ABCB11: variants seen among roughly 807,000 people sequenced by gnomAD.
ABCB11 encodes the protein ATP binding cassette subfamily B member 11.
A neutral mutation model predicts 148.0 loss-of-function variants in ABCB11; 95 were observed. The ratio of observed to expected loss-of-function variants is 0.64; its 90% confidence interval spans 0.54 to 0.76. The LOEUF (loss-of-function observed/expected upper bound fraction) is 0.76. ABCB11 is among the 30% of genes least tolerant of loss of function. ABCB11 has a pLI of 0.00. For missense variants in ABCB11, 1,523 were observed against 1,617.8 expected (o/e 0.94, Z 1.01); for synonymous variants, 591 against 555.4 (o/e 1.06, Z -0.90).
chr2:168,997,250 T>C (rs1239355234), intron 5 of ABCB11, among the ~76,000 whole-genome samples: 1 of 152,060 alleles, frequency 6.6e-6, no homozygotes, highest in African/African-American at 2.4e-5. Flanking sequence ...CTTCTCTATC[T>C]CAGAGTGACA....
Position 168,936,261 on chromosome 2 carries a change from C to T in ABCB11, c.2783G>A (p.Arg928Gln), listed in dbSNP as rs200488448. 8.7e-6 allele frequency: 14 copies of T among 1,613,826 alleles called. No homozygotes were observed. In the East Asian group the frequency reaches 2.2e-4, roughly 26 times the overall value. Residue 928 changes from arginine (R) to glutamine (Q), a missense_variant, in exon 22 of 28, where the codon CGA becomes CAA. Arg to Gln is a conservative substitution (Grantham distance 43, BLOSUM62 1). Coordinates refer to ENST00000650372, the MANE Select transcript of ABCB11 (RefSeq NM_003742.4). ...CACCATCTCCAGGGCCTGCTTATCT[C>T]GAGAGGCAAATCCTGTCAACATCCT... ...QTRMLTGFAS[R>Q]DKQALEMVGQ...
intron 9 of ABCB11, 51 bp from the exon 10 acceptor site, chr2:168,986,335 T>C (rs1558909742): frequency 5.9e-6 from 9 of 1,514,930 alleles, no homozygotes; most frequent in Non-Finnish European, 8.2e-6. Flanking sequence ...GCTCAAGTTA[T>C]AATGTTTAAA....
intron 19 of ABCB11, among the ~76,000 whole-genome samples, chr2:168,950,414 A>G: frequency 6.6e-6 from 1 of 151,564 alleles, no homozygotes; most frequent in South Asian, 2.1e-4. Context: ...GTATATAAGC[A>G]TTCTTTTTTC....
intron 5 of ABCB11, among the ~76,000 whole-genome samples, chr2:169,001,510 C>A (rs1413654543): frequency 6.6e-6 from 1 of 152,046 alleles, no homozygotes; most frequent in Non-Finnish European, 1.5e-5. Context: ...ATGAGTCAGG[C>A]CTCCCACATA....
chr2:168,920,447 C>A (rs1574384834), downstream of ABCB11, among the ~76,000 whole-genome samples: 1 of 151,980 alleles, frequency 6.6e-6, no homozygotes, highest in African/African-American at 2.4e-5. Flanking sequence ...TGAATTGTTA[C>A]CCTCAATTTT....
Position 168,958,034 on chromosome 2 carries a change from C to G in ABCB11, c.2273G>C (p.Gly758Ala). Reference protein sequence around the residue: ...SAPEWPYMLVGSVGAAVNGTV... With the variant: ...SAPEWPYMLVASVGAAVNGTV... ...CCCGTTCACAGCTGCACCCACAGACCCTACCAGCATGTAGGGCCATTCTGG... is the reference window on the plus strand; with the variant it reads ...CCCGTTCACAGCTGCACCCACAGACGCTACCAGCATGTAGGGCCATTCTGG... The change falls in exon 19 of 28, where the codon GGG becomes GCG. Residue 758 changes from glycine to alanine, a missense_variant. Gly to Ala is a moderately conservative substitution (Grantham distance 60, BLOSUM62 0). Coordinates refer to ENST00000650372, the MANE Select transcript of ABCB11 (RefSeq NM_003742.4). 1.9e-6 allele frequency: 3 copies of G among 1,611,182 alleles called. No individual in the cohort carries two copies. In the East Asian group the frequency reaches 6.7e-5, roughly 36 times the overall value.
At chr2:169,027,113 C>T (rs1006841703) in intron 1 of ABCB11, among the ~76,000 whole-genome samples, 2 of 152,160 alleles carry the variant, frequency 1.3e-5, no homozygotes, top group African/African-American at 4.8e-5. Context: ...ACATCCAATG[C>T]TATTTCATTT....
rs77851982 is a variant in ABCB11 at position 169,007,370 on chromosome 2, G to A, written c.389+5902C>T. Among the ~76,000 whole-genome samples, 1,458 of 152,256 alleles carry A rather than the reference G, an allele frequency of 9.6e-3. 26 individuals carry two copies. Among genetic ancestry groups the A allele is most frequent in the African/African-American group, 0.031 (1,292 of 41,552 alleles). On this transcript the variant is annotated intron_variant, in intron 5 of 27. Coordinates refer to ENST00000650372, the MANE Select transcript of ABCB11 (RefSeq NM_003742.4). ...ACTCAAAGTGGATCGTAGACTAACC[G>A]TGAGTGTATTAGTTCATCTCACACT...
rs147578319 is a variant in ABCB11, at chr2:168,921,847, TTTTC to T, written c.*1771_*1774del. On this transcript the variant is annotated 3_prime_UTR_variant, in exon 28 of 28. Coordinates refer to ENST00000650372, the MANE Select transcript of ABCB11 (RefSeq NM_003742.4). ...TTCCAAGGACGGAGTCCTTGACCTCTTTTCTTTTTCTTTTTCTTTTTTTTTTTTT... is the reference window on the plus strand; with the variant it reads ...TTCCAAGGACGGAGTCCTTGACCTCTTTTTTCTTTTTCTTTTTTTTTTTTT... Among the ~76,000 whole-genome samples, 67,901 of 135,622 alleles carry T rather than the reference TTTTC, an allele frequency of 0.5. 17,105 individuals carry two copies. The highest frequency in any genetic ancestry group is 0.66 in the East Asian group (3,008 of 4,524). The allele number at this position is 135,622 out of a possible 152,430, so 89.0% of individuals were successfully genotyped here.
Position 168,980,133 on chromosome 2 carries a change from A to G in ABCB11, c.1084-154T>C, listed in dbSNP as rs561098832. 5.9e-5 allele frequency among the ~76,000 whole-genome samples: 9 copies of G among 152,306 alleles called. No homozygotes were observed. In the South Asian group the frequency reaches 1.2e-3, roughly 21 times the overall value. ...CTCTTTGGCTGTTTGGAAATACCCAAAATAATTTTTGTTCTGTAAAGCATC... is the reference window on the plus strand; with the variant it reads ...CTCTTTGGCTGTTTGGAAATACCCAGAATAATTTTTGTTCTGTAAAGCATC... On this transcript the variant is annotated intron_variant, in intron 10 of 27. Transcript: ENST00000650372.
chr2:168,993,797 A>G lies in ABCB11; in HGVS notation c.697T>C (p.Leu233=), dbSNP rs766348624. ...AGTTTCCAACCCCTGAAAAATCCCA[A>G]CAGGAAACCACAGATGGTCGAGGTC... ...RMTSTICGFL[L]GFFRGWKLTL... The change falls in exon 8 of 28, where the codon TTG becomes CTG. Residue 233 remains leucine (L), a synonymous_variant. Transcript: ENST00000650372. The G allele has an allele frequency of 5.0e-6, 8 of 1,611,514 alleles. No homozygotes were observed. Among genetic ancestry groups the G allele is most frequent in the African/African-American group, 1.3e-5 (1 of 74,958 alleles).
rs1693475273 is a variant in ABCB11, at chr2:168,969,488, T to C, written c.1873A>G (p.Thr625Ala). The C allele has an allele frequency of 1.2e-6, 2 of 1,612,498 alleles. No individual in the cohort carries two copies. The highest frequency in any genetic ancestry group is 1.7e-6 in the Non-Finnish European group (2 of 1,179,226). Residue 625 changes from threonine to alanine, a missense_variant, in exon 16 of 28, where the codon ACC (threonine) becomes GCC (alanine). Thr to Ala is a moderately conservative substitution (Grantham distance 58). Coordinates refer to ENST00000650372, the MANE Select transcript of ABCB11 (RefSeq NM_003742.4). ...GTGCCATGTTCAAAACCAATGATGG[T>C]ATCTGCAGCTCTGACCGTAGACAAG... is the stretch of plus-strand genomic sequence containing the variant. ...HRLSTVRAAD[T>A]IIGFEHGTAV...
At chr2:169,030,382 C>T (rs774824550) in intron 1 of ABCB11, among the ~76,000 whole-genome samples, 9 of 152,020 alleles carry the variant, frequency 5.9e-5, no homozygotes, top group Non-Finnish European at 1.2e-4. Context: ...AGTGAGGGGA[C>T]GAGGTTGCCC....
chr2:168,964,247 C>T lies in ABCB11; in HGVS notation c.2137G>A (p.Ala713Thr). ...LSYLVHEPPLAVVDHKSTYEE... is the reference protein window; with the variant it reads ...LSYLVHEPPLTVVDHKSTYEE... ...TAGGTAGACTTATGATCTACAACAG[C>T]TAATGGAGGTTCGTGCACCAGGTAA... The change falls in exon 18 of 28, where the codon GCT becomes ACT. Residue 713 changes from alanine to threonine, a missense_variant. Physicochemically the swap from Ala to Thr is moderately conservative, Grantham distance 58. Coordinates refer to ENST00000650372, the MANE Select transcript of ABCB11 (RefSeq NM_003742.4). 6.4e-7 allele frequency: 1 copy of T among 1,569,520 alleles called. No homozygotes were observed. Among genetic ancestry groups the T allele is most frequent in the Non-Finnish European group, 8.7e-7 (1 of 1,155,368 alleles).
Position 168,970,584 on chromosome 2 carries a change from C to CA in ABCB11, c.1639-370dup, listed in dbSNP as rs4148787. ...TCTTTGCTCCTGTTAGACAACACAGCAAAATATAATGCAAAGGCTGTTTTT... is the reference window on the plus strand; with the variant it reads ...TCTTTGCTCCTGTTAGACAACACAGCAAAAATATAATGCAAAGGCTGTTTTT... On this transcript the variant is annotated intron_variant, in intron 14 of 27. Coordinates refer to ENST00000650372, the MANE Select transcript of ABCB11 (RefSeq NM_003742.4). The CA allele has an allele frequency of 1.1e-4, 37 of 342,876 alleles. 1 individual carries two copies. In the East Asian group the frequency reaches 2.8e-3, roughly 26 times the overall value. The allele number at this position is 342,876 out of a possible 1,614,324, so 21.2% of individuals were successfully genotyped here. A position where few individuals can be genotyped will look rare whatever the true frequency, so the allele number is the denominator to read the frequency against.
At chr2:168,936,014 G>A (rs1312311627) in intron 22 of ABCB11, among the ~76,000 whole-genome samples, 1 of 152,192 alleles carries the variant, frequency 6.6e-6, no homozygotes, top group Non-Finnish European at 1.5e-5. Flanking sequence ...TGTTCACTCC[G>A]CTATTTCTCC....
Position 168,927,299 on chromosome 2 carries a change from C to T in ABCB11, c.3475G>A (p.Val1159Ile). 1.9e-6 allele frequency: 3 copies of T among 1,613,902 alleles called. No homozygotes were observed. The South Asian group carries it at 3.3e-5, about 18-fold the overall frequency. The change falls in exon 26 of 28, where the codon GTT becomes ATT. Residue 1159 changes from valine to isoleucine, a missense_variant. Physicochemically the swap from Val to Ile is conservative, Grantham distance 29. Transcript: ENST00000650372. ...GCAAACAACACTGGTTCCTGGGAAA[C>T]AATTCCAATGTTTGAGCGGAGGAAC... ...VQFLRSNIGIVSQEPVLFACS... is the reference protein window; with the variant it reads ...VQFLRSNIGIISQEPVLFACS...
In ABCB11 at chr2:168,925,392, A is replaced by G. The variant is rs1444629347; in HGVS notation, c.3619-589T>C. The stretch of plus-strand genomic sequence containing the variant: ...TTGTGAGTTTTAGAGAAAATTAGGA[A>G]GAAAAAATCACTCATGCCTGGCATG... On this transcript the variant is annotated intron_variant, in intron 26 of 27. Transcript: ENST00000650372. 3.3e-5 allele frequency among the ~76,000 whole-genome samples: 5 copies of G among 152,354 alleles called. No homozygotes were observed. In the East Asian group the frequency reaches 9.6e-4, roughly 29 times the overall value.
chr2:169,013,365 T>C lies in ABCB11; in HGVS notation c.296A>G (p.Glu99Gly), dbSNP rs1558927270. 1 of 1,613,874 alleles carries C rather than the reference T, an allele frequency of 6.2e-7. No homozygotes were observed. Among genetic ancestry groups the C allele is most frequent in the Admixed American group, 1.7e-5 (1 of 59,996 alleles). Residue 99 changes from glutamate (E) to glycine (G), a missense_variant, in exon 5 of 28, where the codon GAA becomes GGA. Coordinates refer to ENST00000650372, the MANE Select transcript of ABCB11 (RefSeq NM_003742.4). Reference sequence around the variant, plus strand: ...ACATGCTTTTCCTGGAATCTGGAGTTCTTGTAACTCAACGTCGTAGTCAAT... The same window carrying C: ...ACATGCTTTTCCTGGAATCTGGAGTCCTTGTAACTCAACGTCGTAGTCAAT... ...VFIDYDVELQ[E>G]LQIPGKACVN...
Sources: allele counts gnomAD v4.1 joint callset (sites outside exome capture counted in the v4.1 genomes callset), GRCh38; gene constraint gnomAD v4.1.1; transcripts MANE v1.5; gene names NCBI Gene and HGNC (gene_info 2026-07-23, HGNC 2026-07-21).